CNTN5: variants seen among roughly 807,000 people sequenced by gnomAD.
CNTN5 encodes contactin-5.
Under a neutral mutation model 129.1 loss-of-function variants are expected in CNTN5, and 77 were observed. The observed-to-expected ratio is 0.60, with a 90% CI of 0.50 to 0.72. The LOEUF is 0.72. CNTN5 is among the 30% of genes least tolerant of loss of function. The pLI is 0.00. For missense variants in CNTN5, 1,478 were observed against 1,328.8 expected, an observed-to-expected ratio of 1.11 and a Z score of -1.75; for synonymous variants, 509 against 465.6, an observed-to-expected ratio of 1.09 and a Z score of -1.20.
chr11:100,326,463 G>A (rs1951788935), intron 21 of CNTN5, among the ~76,000 whole-genome samples: 1 of 152,012 alleles, frequency 6.6e-6, no homozygotes, highest in Admixed American at 6.6e-5. Context: ...AAAGACTATT[G>A]ATTTTATCTT....
At chr11:99,230,278 C>G (rs78157018) in intron 1 of CNTN5, among the ~76,000 whole-genome samples, 10 of 151,804 alleles carry the variant, frequency 6.6e-5, no homozygotes, top group African/African-American at 2.2e-4. Flanking sequence ...ACAAAAATGA[C>G]GAAAGCATTT....
chr11:99,508,736 G>A (rs571252782), intron 2 of CNTN5, among the ~76,000 whole-genome samples: 23 of 150,324 alleles, frequency 1.5e-4, no homozygotes, highest in Non-Finnish European at 2.8e-4. Context: ...CTGGAGTGCG[G>A]TGTGGCGCGA....
At chr11:100,031,519 A>C (rs995129057) in intron 9 of CNTN5, among the ~76,000 whole-genome samples, 1 of 152,168 alleles carries the variant, frequency 6.6e-6, no homozygotes, top group African/African-American at 2.4e-5. Flanking sequence ...AAATGCCCTC[A>C]TCTTGCCACA....
intron 10 of CNTN5, among the ~76,000 whole-genome samples, chr11:100,064,773 C>T (rs1943630809): frequency 6.6e-6 from 1 of 151,612 alleles, no homozygotes; most frequent in African/African-American, 2.4e-5. Context: ...TGGTAAAGTT[C>T]TCAATTAAAA....
At chr11:99,868,060 C>T (rs1306900775) in intron 6 of CNTN5, among the ~76,000 whole-genome samples, 1 of 151,822 alleles carries the variant, frequency 6.6e-6, no homozygotes, top group African/African-American at 2.4e-5. Context: ...ACTAAAAATA[C>T]AAAAAATTAG....
At chr11:100,322,867 T>C (rs902444262) in intron 21 of CNTN5, among the ~76,000 whole-genome samples, 1 of 152,160 alleles carries the variant, frequency 6.6e-6, no homozygotes, top group Non-Finnish European at 1.5e-5. Context: ...ATCTGATATA[T>C]AATATACAGA....
intron 2 of CNTN5, among the ~76,000 whole-genome samples, chr11:99,338,584 T>C (rs1359245069): frequency 6.6e-6 from 1 of 152,126 alleles, no homozygotes; most frequent in Non-Finnish European, 1.5e-5. Flanking sequence ...TTTATTTTAA[T>C]CTCCCTGATT....
At chr11:100,143,096 TC>T (rs562688727) in intron 13 of CNTN5, among the ~76,000 whole-genome samples, 290 of 152,268 alleles carry the variant, frequency 1.9e-3, no homozygotes, top group African/African-American at 6.3e-3. Flanking sequence ...AAATTCAAAA[TC>T]TGCAACACTA....
At chr11:100,002,849 C>CT (rs60287069) in intron 9 of CNTN5, among the ~76,000 whole-genome samples, 56,932 of 150,702 alleles carry the variant, frequency 0.38, 12,163 homozygotes, top group African/African-American at 0.59. Context: ...GTGTTGTTTT[C>CT]TTTTTTTTTA....
At chr11:100,211,771 T>C (rs1185297078) in intron 15 of CNTN5, among the ~76,000 whole-genome samples, 4 of 152,182 alleles carry the variant, frequency 2.6e-5, no homozygotes, top group Non-Finnish European at 5.9e-5. Flanking sequence ...ACAATGAAGG[T>C]ACATTTAATT....
chr11:99,649,810 T>C lies in CNTN5; in HGVS notation c.55+93541T>C, dbSNP rs530419260. Among the ~76,000 whole-genome samples, 8 of 151,906 alleles carry C rather than the reference T, an allele frequency of 5.3e-5. No individual in the cohort carries two copies. In the South Asian group the frequency reaches 1.7e-3, roughly 31 times the overall value. On this transcript the variant is annotated intron_variant, in intron 3 of 24. Coordinates refer to ENST00000524871, the MANE Select transcript of CNTN5 (RefSeq NM_014361.4). ...TCTGGAGACTTGATTCATTTGGCTC[T>C]GTTTACTCAAGGTTATCTGAAGTAT...
intron 3 of CNTN5, among the ~76,000 whole-genome samples, chr11:99,711,562 A>G (rs1954990135): frequency 6.6e-6 from 1 of 151,818 alleles, no homozygotes; most frequent in South Asian, 2.1e-4. Flanking sequence ...TACACGTGTC[A>G]TGGTGGTTTG....
intron 2 of CNTN5, among the ~76,000 whole-genome samples, chr11:99,402,913 T>A (rs1036445823): frequency 6.6e-6 from 1 of 152,208 alleles, no homozygotes; most frequent in African/African-American, 2.4e-5. Flanking sequence ...TCAACTGTCA[T>A]GTCTCCTGTT....
intron 3 of CNTN5, among the ~76,000 whole-genome samples, chr11:99,788,047 C>CA (rs1233123579): frequency 6.6e-6 from 1 of 151,866 alleles, no homozygotes; most frequent in Admixed American, 6.6e-5. Flanking sequence ...GTGTTCTTGG[C>CA]ACCCCTCACA....
At chr11:99,545,213 G>A (rs2135507063) in intron 2 of CNTN5, among the ~76,000 whole-genome samples, 1 of 152,180 alleles carries the variant, frequency 6.6e-6, no homozygotes, top group South Asian at 2.1e-4. Context: ...GACTCCTAAG[G>A]GTATTTCTAT....
At chr11:99,255,464 G>GT (rs1159261558) in intron 1 of CNTN5, among the ~76,000 whole-genome samples, 1 of 151,046 alleles carries the variant, frequency 6.6e-6, no homozygotes, top group African/African-American at 2.4e-5. Context: ...ATTTTAGAAT[G>GT]CCTAATAATA....
chr11:99,041,657 CAAT>C (rs2135138823), intron 1 of CNTN5, among the ~76,000 whole-genome samples: 1 of 152,204 alleles, frequency 6.6e-6, no homozygotes, highest in South Asian at 2.1e-4. Flanking sequence ...AAATTTACTA[CAAT>C]AATAAGTAGC....
chr11:99,686,525 T>C (rs904927206), intron 3 of CNTN5, among the ~76,000 whole-genome samples: 1 of 152,200 alleles, frequency 6.6e-6, no homozygotes, highest in Non-Finnish European at 1.5e-5. Flanking sequence ...TTAGAATATT[T>C]AATTATGTTT....
At chr11:100,072,950 AT>A (rs1169558111) in intron 12 of CNTN5, among the ~76,000 whole-genome samples, 1 of 132,550 alleles carries the variant, frequency 7.5e-6, no homozygotes, top group African/African-American at 2.9e-5. Flanking sequence ...CACAAGAAAT[AT>A]TTTCAAAATT....
Sources: allele counts gnomAD v4.1 joint callset (sites outside exome capture counted in the v4.1 genomes callset), GRCh38; gene constraint gnomAD v4.1.1; transcripts MANE v1.5; gene names NCBI Gene and HGNC (gene_info 2026-07-23, HGNC 2026-07-21).